The following CEP76 variants were observed in gnomAD, a reference collection of about 807,000 sequenced individuals.
CEP76 encodes centrosomal protein 76.
A neutral mutation model predicts 83.3 loss-of-function variants in CEP76; 55 were observed. The ratio of observed to expected loss-of-function variants is 0.66; its 90% CI spans 0.53 to 0.83. The LOEUF is 0.83. Among genes scored for constraint, CEP76 ranks in the 40% least tolerant of loss-of-function variants. CEP76 has a pLI of 0.00. For missense variants in CEP76, 694 were observed against 799.5 expected, an observed-to-expected ratio of 0.87 and a Z score of 1.59; for synonymous variants, 270 against 274.5, an observed-to-expected ratio of 0.98 and a Z score of 0.16.
chr18:12,686,464 G>A lies in CEP76; in HGVS notation c.934-14C>T, dbSNP rs7239380. The A allele has an allele frequency of 6.4e-7, 1 of 1,572,212 alleles. No individual in the cohort carries two copies. Among genetic ancestry groups the A allele is most frequent in the South Asian group, 1.1e-5 (1 of 87,628 alleles). On this transcript the variant is annotated splice_polypyrimidine_tract_variant and intron_variant, in intron 7 of 11. Transcript: ENST00000262127. The stretch of plus-strand genomic sequence containing the variant: ...CCCATTTTCATCCTAGGGAAAAGGG[G>A]AAAAACATCTGTAATGACATATTAA...
At chr18:12,666,010 A>G (rs1054815367) in intron 12 of CEP76, among the ~76,000 whole-genome samples, 2 of 151,126 alleles carry the variant, frequency 1.3e-5, no homozygotes, top group Non-Finnish European at 3.0e-5. Flanking sequence ...CAATTATTTT[A>G]ATTGTATCAA....
chr18:12,689,488 G>A (rs7236517), intron 7 of CEP76, among the ~76,000 whole-genome samples: 3 of 152,192 alleles, frequency 2.0e-5, no homozygotes, highest in African/African-American at 7.2e-5. Context: ...CCAATGCCTG[G>A]CCACTTGACA....
Position 12,672,781 on chromosome 18 carries a change from C to A in CEP76, c.*584G>T. On this transcript the variant is annotated 3_prime_UTR_variant, in exon 12 of 12. Coordinates refer to ENST00000262127, the MANE Select transcript of CEP76 (RefSeq NM_024899.4). ...TCATATGAGGTTATTAATATTTATG[C>A]TTTTCTGGTATTAGTTTTTTCCTAC... The A allele has an allele frequency of 1.0e-6, 1 of 978,990 alleles. No individual in the cohort carries two copies. Among genetic ancestry groups the A allele is most frequent in the Non-Finnish European group, 1.2e-6 (1 of 824,036 alleles). The allele number at this position is 978,990 out of a possible 1,614,324, so 60.6% of individuals were successfully genotyped here.
At chr18:12,693,639 T>G (rs2039845960) in intron 6 of CEP76, among the ~76,000 whole-genome samples, 1 of 151,808 alleles carries the variant, frequency 6.6e-6, no homozygotes, top group African/African-American at 2.4e-5. Context: ...AAAAATTAGC[T>G]GGGCGTGGTG....
downstream of CEP76, among the ~76,000 whole-genome samples, chr18:12,670,109 T>C (rs1366921816): frequency 6.6e-6 from 1 of 152,142 alleles, no homozygotes; most frequent in Non-Finnish European, 1.5e-5. Context: ...GCAGGTGGAT[T>C]GCCTGAGCTC....
chr18:12,682,360 TTG>T (rs1809345444), intron 8 of CEP76, among the ~76,000 whole-genome samples: 2 of 152,022 alleles, frequency 1.3e-5, no homozygotes, highest in Admixed American at 6.6e-5. Flanking sequence ...CAGCTATTTT[TTG>T]TGTTTTTGTA....
chr18:12,700,294 A>G (rs1568034850), intron 2 of CEP76: 2 of 155,626 alleles, frequency 1.3e-5, no homozygotes, highest in Non-Finnish European at 2.8e-5. Context: ...GTCAATTTTT[A>G]TAACAAACGG....
At chr18:12,693,588 TC>T (rs1255575413) in intron 6 of CEP76, among the ~76,000 whole-genome samples, 3 of 152,002 alleles carry the variant, frequency 2.0e-5, no homozygotes, top group Admixed American at 2.0e-4. Context: ...ATCGAGACCA[TC>T]CTGGCCAACA....
In CEP76 at chr18:12,672,663, T is replaced by C. The variant is rs2038978520; in HGVS notation, c.*702A>G. The C allele has an allele frequency of 1.0e-6, 1 of 981,560 alleles. No homozygotes were observed. The highest frequency in any genetic ancestry group is 4.7e-5 in the South Asian group (1 of 21,240). 60.8% of individuals were successfully genotyped at this position (981,560 alleles called of 1,614,324 possible). Reference sequence around the variant, plus strand: ...GCAAGATCACAATTTATCAGTATCATAACAAAGAGGTATAATAAAGTTTTT... The same window carrying C: ...GCAAGATCACAATTTATCAGTATCACAACAAAGAGGTATAATAAAGTTTTT... On this transcript the variant is annotated 3_prime_UTR_variant, in exon 12 of 12. Coordinates refer to ENST00000262127, the MANE Select transcript of CEP76 (RefSeq NM_024899.4).
At chr18:12,697,183 G>A (rs777551442) in intron 5 of CEP76, 40 bp downstream of exon 5, 3 of 1,272,374 alleles carry the variant, frequency 2.4e-6, no homozygotes, top group South Asian at 1.5e-5. Context: ...AATGAACTGT[G>A]GCTATAAAAA....
intron 2 of CEP76, 33 bp from the exon 3 acceptor site, chr18:12,699,938 T>G (rs369948023): frequency 2.9e-6 from 4 of 1,402,838 alleles, no homozygotes; most frequent in African/African-American, 2.9e-5. Context: ...TCAAAACAAA[T>G]TAGAAAACAA....
chr18:12,669,005 C>A (rs2038869993), downstream of CEP76, among the ~76,000 whole-genome samples: 1 of 139,132 alleles, frequency 7.2e-6, no homozygotes, highest in East Asian at 2.1e-4. Context: ...CTCCCAATTA[C>A]AGGCTTGAGC....
downstream of CEP76, among the ~76,000 whole-genome samples, chr18:12,672,113 T>TG (rs1259533276): frequency 7.2e-6 from 1 of 138,060 alleles, no homozygotes; most frequent in Non-Finnish European, 1.6e-5. Context: ...CCACCATGCC[T>TG]GGCCCTTTTT....
At chr18:12,668,695 C>G (rs1292250278), downstream of CEP76, among the ~76,000 whole-genome samples, 1 of 136,202 alleles carries the variant, frequency 7.3e-6, no homozygotes, top group Non-Finnish European at 1.5e-5. Context: ...AAAGAAGATT[C>G]AACTATGTGT....
At position 12,697,399 on chromosome 18, in the gene CEP76, G is replaced by T. The variant is rs764113871; in HGVS notation, c.530C>A (p.Thr177Asn). ...CATTGTTGTTGAATCAGCCATTCTA[G>T]TTCCATCACCTAGCAATATAATCCA... is the stretch of plus-strand genomic sequence containing the variant. ...EVHRESLGDG[T>N]RMADSTTMLS... Residue 177 changes from threonine to asparagine, a missense_variant, in exon 5 of 12, where the codon ACT (threonine) becomes AAT (asparagine). By Grantham distance (65) the Thr-to-Asn change is moderately conservative. Transcript: ENST00000262127. 2.2e-5 allele frequency: 36 copies of T among 1,605,850 alleles called. No homozygotes were observed. Among genetic ancestry groups the T allele is most frequent in the Non-Finnish European group, 3.0e-5 (35 of 1,175,442 alleles).
rs182217907 is a variant in CEP76 at position 12,673,804 on chromosome 18, C to T, written c.1842-301G>A. Reference sequence around the variant, plus strand: ...GCTGAGGCAGGAGAATCGCTTGAATCCAGGAGGCAGAGGTTGCAGTGAGCC... The same window carrying T: ...GCTGAGGCAGGAGAATCGCTTGAATTCAGGAGGCAGAGGTTGCAGTGAGCC... On this transcript the variant is annotated intron_variant, in intron 11 of 11. Coordinates refer to ENST00000262127, the MANE Select transcript of CEP76 (RefSeq NM_024899.4). Among the ~76,000 whole-genome samples, 4 of 152,240 alleles carry T rather than the reference C, an allele frequency of 2.6e-5. No homozygotes were observed. The East Asian group carries it at 7.7e-4, about 29-fold the overall frequency.
rs754358270 is a variant in CEP76 at position 12,701,128 on chromosome 18, CAT to C, written c.64-17_64-16del. Reference sequence around the variant, plus strand: ...TGGACATCCATCTATGTAGAAAACTCATATTACAATTTATAACATCACAAAGC... The same window carrying C: ...TGGACATCCATCTATGTAGAAAACTCATTACAATTTATAACATCACAAAGC... On this transcript the variant is annotated splice_polypyrimidine_tract_variant and intron_variant, in intron 1 of 11. Coordinates refer to ENST00000262127, the MANE Select transcript of CEP76 (RefSeq NM_024899.4). 1 of 1,596,998 alleles carries C rather than the reference CAT, an allele frequency of 6.3e-7. No individual in the cohort carries two copies. The highest frequency in any genetic ancestry group is 8.5e-7 in the Non-Finnish European group (1 of 1,171,094).
In CEP76 at chr18:12,694,257, G is replaced by T. The variant is rs9959111; in HGVS notation, c.804+997C>A. Among the ~76,000 whole-genome samples, 376 of 152,302 alleles carry T rather than the reference G, an allele frequency of 2.5e-3. 3 individuals carry two copies. The highest frequency in any genetic ancestry group is 8.7e-3 in the African/African-American group (363 of 41,558). ...TTTAAAGAAAACAGGGCAGGACATT[G>T]TTTGCCTGAGGGAGAAGCACTAGCG... is the stretch of plus-strand genomic sequence containing the variant. On this transcript the variant is annotated intron_variant, in intron 6 of 11. Transcript: ENST00000262127.
chr18:12,680,148 A>G (rs1049621302), intron 9 of CEP76, among the ~76,000 whole-genome samples: 7 of 152,142 alleles, frequency 4.6e-5, no homozygotes, highest in Admixed American at 4.6e-4. Flanking sequence ...TTGGTAAAGA[A>G]TATTTGAGGT....
Sources: gnomAD v4.1 joint callset for allele counts (sites outside exome capture counted in the v4.1 genomes callset) on GRCh38, gnomAD v4.1.1 for gene constraint, MANE v1.5 for transcripts, NCBI Gene and HGNC (gene_info 2026-07-23, HGNC 2026-07-21) for gene names.